The following PTPRG variants were observed in gnomAD, a reference collection of about 807,000 sequenced individuals.
The protein encoded by PTPRG is receptor-type tyrosine-protein phosphatase gamma.
A neutral mutation model predicts 165.3 loss-of-function variants in PTPRG; 102 were observed. The ratio of observed to expected loss-of-function variants is 0.62; its 90% CI spans 0.53 to 0.73. The LOEUF (loss-of-function observed/expected upper bound fraction) is 0.73, where lower values mean the gene tolerates loss of function less well. Among genes scored for constraint, PTPRG ranks in the 30% least tolerant of loss-of-function variants. The probability of loss-of-function intolerance (pLI) is 0.00; values close to 1 mark genes in which losing one functional copy is unlikely to be tolerated. For missense variants in PTPRG, 1,866 were observed against 1,861.4 expected, an observed-to-expected ratio of 1.00 and a Z score of -0.05; for synonymous variants, 675 against 669.5, an observed-to-expected ratio of 1.01 and a Z score of -0.13.
chr3:62,103,082 A>G (rs1428951785), intron 5 of PTPRG, among the ~76,000 whole-genome samples: 1 of 151,898 alleles, frequency 6.6e-6, no homozygotes, highest in East Asian at 1.9e-4. Context: ...AGATTTTTGA[A>G]CCTATAAAAT....
rs781363148 is a variant in PTPRG, at chr3:62,100,402, A to C, written c.615+22144A>C. On this transcript the variant is annotated intron_variant, in intron 5 of 29. Coordinates refer to ENST00000474889, the MANE Select transcript of PTPRG (RefSeq NM_002841.4). ...AAGTAAATAAGCAGGAGCCGTCTTT[A>C]CCCTCCTGGGATTTCCTTGTGGCCG... 2.0e-4 allele frequency among the ~76,000 whole-genome samples: 30 copies of C among 151,948 alleles called. 1 individual carries two copies. Among genetic ancestry groups the C allele is most frequent in the Non-Finnish European group, 4.1e-4 (28 of 68,012 alleles).
At chr3:62,232,366 T>C in intron 14 of PTPRG, among the ~76,000 whole-genome samples, 1 of 152,114 alleles carries the variant, frequency 6.6e-6, no homozygotes, top group East Asian at 1.9e-4. Context: ...GTGATCCCTT[T>C]TTGCTTATTA....
intron 1 of PTPRG, among the ~76,000 whole-genome samples, chr3:61,600,089 G>A (rs1310288669): frequency 4.0e-5 from 6 of 151,398 alleles, no homozygotes; most frequent in African/African-American, 1.5e-4. Context: ...GAGCCCAGGA[G>A]GCAGAGGTTG....
At chr3:62,286,924 T>C (rs905708989) in intron 28 of PTPRG, among the ~76,000 whole-genome samples, 4 of 152,152 alleles carry the variant, frequency 2.6e-5, no homozygotes, top group Non-Finnish European at 5.9e-5. Flanking sequence ...TGTCATTATG[T>C]TTGGTATGCA....
intron 5 of PTPRG, among the ~76,000 whole-genome samples, chr3:62,089,980 A>T (rs1226943230): frequency 6.6e-6 from 1 of 152,220 alleles, no homozygotes; most frequent in Non-Finnish European, 1.5e-5. Context: ...TCAACTGGCC[A>T]TTGTCAACCC....
chr3:62,102,854 C>T (rs960295896), intron 5 of PTPRG, among the ~76,000 whole-genome samples: 2 of 151,188 alleles, frequency 1.3e-5, no homozygotes, highest in Non-Finnish European at 2.9e-5. Flanking sequence ...TATTACAGGG[C>T]ACCTACCAGT....
At chr3:62,057,298 G>A (rs899701116) in intron 4 of PTPRG, among the ~76,000 whole-genome samples, 2 of 152,170 alleles carry the variant, frequency 1.3e-5, no homozygotes, top group African/African-American at 4.8e-5. Flanking sequence ...TGGAAATTCT[G>A]ACTTAAGACT....
chr3:61,871,489 C>G (rs2037582189), intron 2 of PTPRG, among the ~76,000 whole-genome samples: 1 of 152,126 alleles, frequency 6.6e-6, no homozygotes, highest in Admixed American at 6.6e-5. Flanking sequence ...TAGGCATGAG[C>G]TACCACACCC....
chr3:62,156,712 A>G (rs1704551013), intron 6 of PTPRG, among the ~76,000 whole-genome samples: 1 of 152,238 alleles, frequency 6.6e-6, no homozygotes, highest in Non-Finnish European at 1.5e-5. Flanking sequence ...GGTGGGTTAA[A>G]CAAAGTCAAG....
intron 1 of PTPRG, among the ~76,000 whole-genome samples, chr3:61,582,796 T>C (rs2106800999): frequency 6.6e-6 from 1 of 152,326 alleles, no homozygotes; most frequent in African/African-American, 2.4e-5. Context: ...AAGTCAACTG[T>C]TAGTGGAAAC....
intron 2 of PTPRG, among the ~76,000 whole-genome samples, chr3:61,904,962 C>T (rs2038604815): frequency 6.6e-6 from 1 of 151,242 alleles, no homozygotes; most frequent in African/African-American, 2.4e-5. Flanking sequence ...GAAAATTGTC[C>T]ATTTGGTTCC....
chr3:62,055,989 G>T (rs1324885791), intron 4 of PTPRG, among the ~76,000 whole-genome samples: 1 of 152,146 alleles, frequency 6.6e-6, no homozygotes, highest in African/African-American at 2.4e-5. Context: ...CCATAACATT[G>T]CCCAAGCTCA....
chr3:62,191,996 G>A (rs989907395), intron 9 of PTPRG, among the ~76,000 whole-genome samples: 2 of 152,094 alleles, frequency 1.3e-5, no homozygotes, highest in African/African-American at 4.8e-5. Flanking sequence ...AATACTAAAT[G>A]AGCTATGCAA....
At chr3:62,078,134 C>T (rs766048905) in intron 4 of PTPRG, 29 bp from the exon 5 acceptor site, 11 of 1,445,814 alleles carry the variant, frequency 7.6e-6, no homozygotes, top group Non-Finnish European at 2.9e-6. Context: ...GAAAATTTTC[C>T]TAATACATTT....
At chr3:62,023,675 G>A (rs955175971) in intron 4 of PTPRG, among the ~76,000 whole-genome samples, 22 of 152,180 alleles carry the variant, frequency 1.4e-4, no homozygotes, top group Admixed American at 4.6e-4. Context: ...CCTTTATTAC[G>A]GATATGGAAA....
At chr3:62,102,003 T>C (rs1400211196) in intron 5 of PTPRG, among the ~76,000 whole-genome samples, 1 of 152,194 alleles carries the variant, frequency 6.6e-6, no homozygotes, top group Non-Finnish European at 1.5e-5. Context: ...GACTTTTTTT[T>C]CCTACTTTGA....
At chr3:61,745,941 G>A (rs1449896251) in intron 1 of PTPRG, among the ~76,000 whole-genome samples, 3 of 152,288 alleles carry the variant, frequency 2.0e-5, no homozygotes, top group East Asian at 1.9e-4. Context: ...AGGTAAAACT[G>A]ATCCCAGTAA....
chr3:62,083,822 T>C (rs570616953), intron 5 of PTPRG, among the ~76,000 whole-genome samples: 1 of 152,228 alleles, frequency 6.6e-6, no homozygotes, highest in African/African-American at 2.4e-5. Context: ...CAAAGTGTCT[T>C]TTAACCATGC....
At chr3:61,678,081 A>G (rs1703298986) in intron 1 of PTPRG, among the ~76,000 whole-genome samples, 1 of 152,202 alleles carries the variant, frequency 6.6e-6, no homozygotes, top group Non-Finnish European at 1.5e-5. Context: ...TTAGACAAAC[A>G]GTGCCGTGAA....
Sources: allele counts gnomAD v4.1 joint callset (sites outside exome capture counted in the v4.1 genomes callset), GRCh38; gene constraint gnomAD v4.1.1; transcripts MANE v1.5; gene names NCBI Gene and HGNC (gene_info 2026-07-23, HGNC 2026-07-21).